The following ALDH1A3 variants were observed in gnomAD, a reference collection of about 807,000 sequenced individuals.
ALDH1A3 encodes the protein aldehyde dehydrogenase 1 family member A3.
Under a neutral mutation model 57.5 loss-of-function variants are expected in ALDH1A3, and 28 were observed. That is an observed-to-expected ratio of 0.49 (90% confidence interval 0.36 to 0.67). ALDH1A3 has a LOEUF of 0.67. Ranked by LOEUF, ALDH1A3 falls within the 30% of genes least tolerant of loss-of-function variation. ALDH1A3 has a pLI of 0.00. For synonymous variants in ALDH1A3, 281 were observed against 264.8 expected, an observed-to-expected ratio of 1.06 and a Z score of -0.59; for missense variants, 507 against 669.4, an observed-to-expected ratio of 0.76 and a Z score of 2.68.
intron 9 of ALDH1A3, among the ~76,000 whole-genome samples, chr15:100,901,486 C>A (rs1470475568): frequency 1.3e-5 from 2 of 152,128 alleles, no homozygotes; most frequent in Non-Finnish European, 2.9e-5. Flanking sequence ...CGTGACTTAC[C>A]CACTTGTGTC....
At chr15:100,883,859 C>G (rs1596204288) in intron 1 of ALDH1A3, among the ~76,000 whole-genome samples, 1 of 152,168 alleles carries the variant, frequency 6.6e-6, no homozygotes, top group African/African-American at 2.4e-5. Flanking sequence ...TGGCTGCCCT[C>G]TCTCATCTGT....
chr15:100,911,443 G>C (rs1029239557), intron 12 of ALDH1A3, among the ~76,000 whole-genome samples: 2 of 152,222 alleles, frequency 1.3e-5, no homozygotes, highest in African/African-American at 4.8e-5. Flanking sequence ...GAAAGTCAAG[G>C]CTTCCCTCCC....
chr15:100,879,986 C>G lies in ALDH1A3; in HGVS notation c.79C>G (p.Leu27Val). Residue 27 changes from leucine to valine, a missense_variant, in exon 1 of 13, where the codon CTG becomes GTG. Physicochemically the swap from Leu to Val is conservative, Grantham distance 32 (BLOSUM62 1). Around this residue, in one of 2 missense-constraint regions of ALDH1A3, gnomAD observed 75 missense variants for 61.0 expected, o/e 1.23. Coordinates refer to ENST00000329841, the MANE Select transcript of ALDH1A3 (RefSeq NM_000693.4). ...PPALPRPIRN[L>V]EVKFTKIFIN... Reference sequence around the variant, plus strand: ...GGCCCTGCCGCGCCCCATCCGCAACCTGGAGGTCAAGTTCACCAAGGTGAG... The same window carrying G: ...GGCCCTGCCGCGCCCCATCCGCAACGTGGAGGTCAAGTTCACCAAGGTGAG... 2 of 1,474,028 alleles carry G rather than the reference C, an allele frequency of 1.4e-6. No homozygotes were observed. Among genetic ancestry groups the G allele is most frequent in the Non-Finnish European group, 1.8e-6 (2 of 1,110,512 alleles). The allele number at this position is 1,474,028 out of a possible 1,614,324, so 91.3% of individuals were successfully genotyped here. A position where few individuals can be genotyped will look rare whatever the true frequency, so the allele number is the denominator to read the frequency against.
rs1005415395 is a variant in ALDH1A3, at chr15:100,894,124, A to G, written c.666+42A>G. 2 of 1,606,814 alleles carry G rather than the reference A, an allele frequency of 1.2e-6. No homozygotes were observed. Among genetic ancestry groups the G allele is most frequent in the Admixed American group, 1.7e-5 (1 of 59,538 alleles). ...GAAAATATCACATGTTCTTGGTAACATTCCCACTCCTAGGAACCAGGCCAC... is the reference window on the plus strand; with the variant it reads ...GAAAATATCACATGTTCTTGGTAACGTTCCCACTCCTAGGAACCAGGCCAC... On this transcript the variant is annotated intron_variant, in intron 6 of 12. Transcript: ENST00000329841. The surrounding 1 kb of genome is among the most constrained non-coding windows in gnomAD (Gnocchi z 4.5).
chr15:100,899,446 G>A (rs993244318), intron 8 of ALDH1A3, among the ~76,000 whole-genome samples: 23 of 152,248 alleles, frequency 1.5e-4, no homozygotes, highest in African/African-American at 5.5e-4. Flanking sequence ...TTGGGGCTTG[G>A]TTTTACTTAC....
In ALDH1A3 at chr15:100,879,843, A is replaced by G; in HGVS notation, c.-65A>G. The stretch of plus-strand genomic sequence containing the variant: ...CTGCCACCCCGGGAGCGGGCTGCGC[A>G]GTGTCCGGGCCGAGCCGGTGCGCCG... On this transcript the variant is annotated 5_prime_UTR_variant, in exon 1 of 13. Transcript: ENST00000329841. The G allele has an allele frequency of 8.4e-7, 1 of 1,184,112 alleles. No individual in the cohort carries two copies. Among genetic ancestry groups the G allele is most frequent in the African/African-American group, 1.6e-5 (1 of 62,424 alleles). The allele number at this position is 1,184,112 out of a possible 1,614,324, so 73.4% of individuals were successfully genotyped here.
At chr15:100,907,900 G>C (rs1416093658) in intron 11 of ALDH1A3, among the ~76,000 whole-genome samples, 1 of 132,920 alleles carries the variant, frequency 7.5e-6, no homozygotes, top group Non-Finnish European at 1.5e-5. Flanking sequence ...CCAGGCAGGA[G>C]TGCAGTGGCA....
chr15:100,905,721 G>C, intron 10 of ALDH1A3, 34 bp downstream of exon 10: 1 of 1,502,034 alleles, frequency 6.7e-7, no homozygotes. Context: ...TACGACTTGC[G>C]GGGCCTTTCA....
At chr15:100,883,698 T>G (rs1028495400) in intron 1 of ALDH1A3, among the ~76,000 whole-genome samples, 1 of 151,996 alleles carries the variant, frequency 6.6e-6, no homozygotes, top group African/African-American at 2.4e-5. Flanking sequence ...GGGGTACATG[T>G]GCAGGATGTG....
In ALDH1A3 at chr15:100,893,199, G is replaced by A. The variant is rs747177901; in HGVS notation, c.537+193G>A. On this transcript the variant is annotated intron_variant, in intron 5 of 12. Transcript: ENST00000329841. This position sits in a 1 kb window ranked among gnomAD's most constrained non-coding sequence, Gnocchi z 4.8. ...ACCCCATTTCTGCTCTCCTAAGACC[G>A]GCTTTAGGCATGCCACAGAAAGCAC... 2.3e-5 allele frequency: 11 copies of A among 479,592 alleles called. No individual in the cohort carries two copies. The highest frequency in any genetic ancestry group is 1.6e-4 in the East Asian group (5 of 31,738). 29.7% of individuals were successfully genotyped at this position (479,592 alleles called of 1,614,324 possible).
chr15:100,906,253 A>G lies in ALDH1A3; in HGVS notation c.1233+566A>G, dbSNP rs2041821016. On this transcript the variant is annotated intron_variant, in intron 10 of 12. Transcript: ENST00000329841. The surrounding 1 kb of genome is among the most constrained non-coding windows in gnomAD (Gnocchi z 4.8). ...TAAGAGTGTAAATCTTTCTCTTTCA[A>G]CTCCACTGTTACACTAGACGGGAAC... Among the ~76,000 whole-genome samples the G allele has an allele frequency of 6.6e-6, 1 of 151,944 alleles. No individual in the cohort carries two copies. Among genetic ancestry groups the G allele is most frequent in the Non-Finnish European group, 1.5e-5 (1 of 67,978 alleles).
In ALDH1A3 at chr15:100,889,618, G is replaced by A. The variant is rs753327359; in HGVS notation, c.345+1906G>A. ...GGACTAATAGCAGGCTAGAGAGGAT[G>A]TGCCCTGGGCACCCCCCGCCCTGAA... On this transcript the variant is annotated intron_variant, in intron 3 of 12. Coordinates refer to ENST00000329841, the MANE Select transcript of ALDH1A3 (RefSeq NM_000693.4). This position sits in a 1 kb window ranked among gnomAD's most constrained non-coding sequence, Gnocchi z 5.1. Among the ~76,000 whole-genome samples the A allele has an allele frequency of 1.3e-5, 2 of 152,246 alleles. No individual in the cohort carries two copies. Among genetic ancestry groups the A allele is most frequent in the Admixed American group, 6.5e-5 (1 of 15,292 alleles).
chr15:100,896,013 G>C lies in ALDH1A3; in HGVS notation c.747G>C (p.Gln249His). Residue 249 changes from glutamine to histidine, a missense_variant, in exon 7 of 13, where the codon CAG becomes CAC. Gln to His is a conservative substitution (Grantham distance 24). Coordinates refer to ENST00000329841, the MANE Select transcript of ALDH1A3 (RefSeq NM_000693.4). ...GAGCAGCAATTTCTTCTCACCCTCA[G>C]ATCAACAAGATCGCCTTCACCGGCT... is the stretch of plus-strand genomic sequence containing the variant. ...TVGAAISSHP[Q>H]INKIAFTGST... The C allele has an allele frequency of 6.2e-7, 1 of 1,612,834 alleles. No homozygotes were observed. The highest frequency in any genetic ancestry group is 8.5e-7 in the Non-Finnish European group (1 of 1,179,480).
chr15:100,912,346 A>C (rs1452171366), intron 12 of ALDH1A3, among the ~76,000 whole-genome samples: 1 of 152,190 alleles, frequency 6.6e-6, no homozygotes, highest in African/African-American at 2.4e-5. Flanking sequence ...TTTTTCTGAA[A>C]ACTAACTATT....
At chr15:100,895,086 A>G (rs2041686385) in intron 6 of ALDH1A3, 1 of 152,206 alleles carries the variant, frequency 6.6e-6, no homozygotes, top group Non-Finnish European at 1.5e-5. Context: ...GGCTTGCTCC[A>G]GGTGAGACCC....
At chr15:100,913,682 G>A (rs2041904607) in intron 12 of ALDH1A3, 1 of 152,188 alleles carries the variant, frequency 6.6e-6, no homozygotes, top group African/African-American at 2.4e-5. Flanking sequence ...TCCAATTTTG[G>A]ATACCTGGGG....
intron 12 of ALDH1A3, chr15:100,914,146 T>A (rs1245180382): frequency 6.5e-6 from 1 of 153,102 alleles, no homozygotes; most frequent in Non-Finnish European, 1.5e-5. Context: ...TAGGCTGGCC[T>A]CACTGCCTGA....
chr15:100,912,025 A>C (rs1162172351), intron 12 of ALDH1A3, among the ~76,000 whole-genome samples: 2 of 152,204 alleles, frequency 1.3e-5, no homozygotes, highest in African/African-American at 2.4e-5. Flanking sequence ...TCTGTTTTCA[A>C]ATGAAATGGG....
chr15:100,880,038 G>A, intron 1 of ALDH1A3, 32 bp downstream of exon 1: 2 of 1,418,316 alleles, frequency 1.4e-6, no homozygotes, highest in South Asian at 1.4e-5. Context: ...CCCGACGGCC[G>A]CGGGCCCCTG....
Sources: allele counts gnomAD v4.1 joint callset (sites outside exome capture counted in the v4.1 genomes callset), GRCh38; gene constraint gnomAD v4.1.1; regional missense constraint gnomAD v4.1.1; non-coding constraint Gnocchi (gnomAD v3.1); transcripts MANE v1.5; gene names NCBI Gene and HGNC (gene_info 2026-07-23, HGNC 2026-07-21).